Variants in GPATCH2L observed in about 807,000 individuals in gnomAD.
The protein encoded by GPATCH2L is G-patch domain containing 2 like.
In GPATCH2L, 31 loss-of-function variants were observed where a neutral mutation model predicts 57.4. The ratio of observed to expected loss-of-function variants is 0.54; its 90% CI spans 0.41 to 0.73. GPATCH2L has a LOEUF of 0.73. GPATCH2L is among the 30% of genes least tolerant of loss of function. GPATCH2L has a pLI of 0.00. For synonymous variants in GPATCH2L, 199 were observed against 210.7 expected, an observed-to-expected ratio of 0.94 and a Z score of 0.48; for missense variants, 481 against 599.9, an observed-to-expected ratio of 0.80 and a Z score of 2.07.
intron 8 of GPATCH2L, among the ~76,000 whole-genome samples, chr14:76,183,085 C>G (rs1441334882): frequency 1.3e-5 from 2 of 152,248 alleles, no homozygotes; most frequent in African/African-American, 4.8e-5. Flanking sequence ...GTGCTGAGAT[C>G]AGTATTCGTA....
At chr14:76,180,960 A>C in intron 8 of GPATCH2L, 111 bp downstream of exon 8, 5 of 700,604 alleles carry the variant, frequency 7.1e-6, no homozygotes, top group Admixed American at 4.6e-5. Context: ...TGATCCTGAC[A>C]ATCTTTTGAG....
chr14:76,223,846 T>C (rs1373391832), intron 1 of GPATCH2L, among the ~76,000 whole-genome samples: 1 of 152,166 alleles, frequency 6.6e-6, no homozygotes, highest in Non-Finnish European at 1.5e-5. Flanking sequence ...TCAACATCAT[T>C]AGTCACTGAA....
rs1010878116 is a variant in GPATCH2L, at chr14:76,204,651, A to T, written c.*2800A>T. The stretch of plus-strand genomic sequence containing the variant: ...AGGTTTTGTAATCAGTGTTGAAAAA[A>T]CTCTGAACTATGACTTACTTTGAGG... On this transcript the variant is annotated 3_prime_UTR_variant, in exon 10 of 10. Transcript: ENST00000261530. 1.3e-5 allele frequency: 2 copies of T among 151,958 alleles called. No homozygotes were observed. The highest frequency in any genetic ancestry group is 1.3e-4 in the Admixed American group (2 of 15,262). The allele number at this position is 151,958 out of a possible 1,614,324, so 9.4% of individuals were successfully genotyped here. A position where few individuals can be genotyped will look rare whatever the true frequency, so the allele number is the denominator to read the frequency against.
In GPATCH2L at chr14:76,210,975, T is replaced by C. The variant is rs1055493684; in HGVS notation, c.*9124T>C. On this transcript the variant is annotated 3_prime_UTR_variant, in exon 10 of 10. Coordinates refer to ENST00000261530, the MANE Select transcript of GPATCH2L (RefSeq NM_017926.4). ...AGAGACCAGAAAAAAAGTATTACAATGTAGAATGAAATAAGAATGACAGGG... is the reference window on the plus strand; with the variant it reads ...AGAGACCAGAAAAAAAGTATTACAACGTAGAATGAAATAAGAATGACAGGG... 6.6e-6 allele frequency: 1 copy of C among 151,974 alleles called. No individual in the cohort carries two copies. The highest frequency in any genetic ancestry group is 2.4e-5 in the African/African-American group (1 of 41,354). 9.4% of individuals were successfully genotyped at this position (151,974 alleles called of 1,614,324 possible). A position where few individuals can be genotyped will look rare whatever the true frequency, so the allele number is the denominator to read the frequency against.
At chr14:76,158,225 A>G (rs2139563388) in intron 2 of GPATCH2L, among the ~76,000 whole-genome samples, 1 of 152,330 alleles carries the variant, frequency 6.6e-6, no homozygotes, top group East Asian at 1.9e-4. Context: ...CTCACAGGAA[A>G]GAAAATATTC....
At chr14:76,187,025 GTT>G (rs34797876) in intron 8 of GPATCH2L, among the ~76,000 whole-genome samples, 5 of 147,994 alleles carry the variant, frequency 3.4e-5, no homozygotes, top group South Asian at 2.1e-4. Context: ...ATTGTGAAGT[GTT>G]TTTTTTTTTT....
At chr14:76,185,927 G>A (rs767940207) in intron 8 of GPATCH2L, among the ~76,000 whole-genome samples, 2 of 151,956 alleles carry the variant, frequency 1.3e-5, no homozygotes, top group East Asian at 1.9e-4. Context: ...AGACCTGGGC[G>A]AGAATCCGGG....
intron 8 of GPATCH2L, among the ~76,000 whole-genome samples, chr14:76,193,234 A>C (rs1021674751): frequency 2.0e-5 from 3 of 152,132 alleles, no homozygotes; most frequent in African/African-American, 7.2e-5. Flanking sequence ...TTAAATTCCA[A>C]AATGACACTG....
rs2040337052 is a variant in GPATCH2L, at chr14:76,203,161, C to T, written c.*1310C>T. On this transcript the variant is annotated 3_prime_UTR_variant, in exon 10 of 10. Coordinates refer to ENST00000261530, the MANE Select transcript of GPATCH2L (RefSeq NM_017926.4). ...CCAAAGTGCGATTGCCCCTGTTTCC[C>T]ATACGAAGTGTAATGACGGGTTGCT... is the stretch of plus-strand genomic sequence containing the variant. The T allele has an allele frequency of 6.6e-6, 1 of 152,158 alleles. No homozygotes were observed. Among genetic ancestry groups the T allele is most frequent in the African/African-American group, 2.4e-5 (1 of 41,408 alleles). The allele number at this position is 152,158 out of a possible 1,614,324, so 9.4% of individuals were successfully genotyped here.
Position 76,206,595 on chromosome 14 carries a change from G to A in GPATCH2L, c.*4744G>A, listed in dbSNP as rs74912577. 2.6e-5 allele frequency: 4 copies of A among 152,372 alleles called. No homozygotes were observed. Among genetic ancestry groups the A allele is most frequent in the Non-Finnish European group, 4.4e-5 (3 of 68,168 alleles). 9.4% of individuals were successfully genotyped at this position (152,372 alleles called of 1,614,324 possible). A position where few individuals can be genotyped will look rare whatever the true frequency, so the allele number is the denominator to read the frequency against. Reference sequence around the variant, plus strand: ...GCAATCTTGGCAAGGTGGAGAAGTGGGAAGCAATGGGGAGAGAAAGGGAGA... The same window carrying A: ...GCAATCTTGGCAAGGTGGAGAAGTGAGAAGCAATGGGGAGAGAAAGGGAGA... On this transcript the variant is annotated 3_prime_UTR_variant, in exon 10 of 10. Coordinates refer to ENST00000261530, the MANE Select transcript of GPATCH2L (RefSeq NM_017926.4).
chr14:76,192,652 C>T (rs1393292454), intron 8 of GPATCH2L, among the ~76,000 whole-genome samples: 5 of 152,138 alleles, frequency 3.3e-5, no homozygotes, highest in Admixed American at 6.5e-5. Flanking sequence ...TTGTTTATCA[C>T]TATATCCCTA....
rs11373321 is a variant in GPATCH2L at position 76,207,530 on chromosome 14, GAA to G, written c.*5688_*5689del. ...CATTTAAAGTACGGCTCATAAAAATGAAAAAAAAAATTGGAAGAAAAAAACAC... is the reference window on the plus strand; with the variant it reads ...CATTTAAAGTACGGCTCATAAAAATGAAAAAAAATTGGAAGAAAAAAACAC... On this transcript the variant is annotated 3_prime_UTR_variant, in exon 10 of 10. Coordinates refer to ENST00000261530, the MANE Select transcript of GPATCH2L (RefSeq NM_017926.4). 1 of 148,598 alleles carries G rather than the reference GAA, an allele frequency of 6.7e-6. No individual in the cohort carries two copies. Among genetic ancestry groups the G allele is most frequent in the African/African-American group, 2.5e-5 (1 of 40,566 alleles). The allele number at this position is 148,598 out of a possible 1,614,324, so 9.2% of individuals were successfully genotyped here.
chr14:76,176,316 C>CT (rs1340425704), intron 5 of GPATCH2L: 2 of 262,880 alleles, frequency 7.6e-6, no homozygotes, highest in Non-Finnish European at 1.4e-5. Context: ...ATTTTTACTC[C>CT]TATATACTTC....
At chr14:76,160,314 G>A (rs2038520908) in intron 2 of GPATCH2L, among the ~76,000 whole-genome samples, 1 of 152,166 alleles carries the variant, frequency 6.6e-6, no homozygotes, top group South Asian at 2.1e-4. Flanking sequence ...TACCTTCAGG[G>A]CAGGCTCAGC....
intron 8 of GPATCH2L, among the ~76,000 whole-genome samples, chr14:76,182,363 G>GGA (rs754804622): frequency 1.2e-5 from 1 of 85,624 alleles, no homozygotes. Context: ...TCTCAGAAAA[G>GGA]AAAAAAAAAA....
At chr14:76,171,248 C>T (rs2039066483) in intron 3 of GPATCH2L, among the ~76,000 whole-genome samples, 1 of 142,866 alleles carries the variant, frequency 7.0e-6, no homozygotes, top group Non-Finnish European at 1.5e-5. Context: ...GCCTGGGCAA[C>T]ATAAGGAGAC....
At chr14:76,196,362 T>C in intron 9 of GPATCH2L, 1 of 393,322 alleles carries the variant, frequency 2.5e-6, no homozygotes, top group South Asian at 6.4e-5. Context: ...TTACTGCTTT[T>C]ATAAGTAGAA....
chr14:76,231,040 C>G (rs994849382), intron 2 of GPATCH2L, among the ~76,000 whole-genome samples: 12 of 152,240 alleles, frequency 7.9e-5, no homozygotes, highest in Non-Finnish European at 1.6e-4. Context: ...GCCCTGGGCT[C>G]TTTTTGCAAG....
intron 3 of GPATCH2L, among the ~76,000 whole-genome samples, chr14:76,167,071 G>A (rs1158930807): frequency 2.0e-5 from 3 of 152,168 alleles, no homozygotes; most frequent in African/African-American, 7.2e-5. Context: ...ATAGGTTCAT[G>A]TGTTACTGTC....
Sources: allele counts gnomAD v4.1 joint callset (sites outside exome capture counted in the v4.1 genomes callset), GRCh38; gene constraint gnomAD v4.1.1; transcripts MANE v1.5; gene names NCBI Gene and HGNC (gene_info 2026-07-23, HGNC 2026-07-21).